The following NCAM2 variants were observed in gnomAD, a reference collection of about 807,000 sequenced individuals.
NCAM2 encodes the protein N-CAM-2.
In NCAM2, 30 loss-of-function variants were observed where a neutral mutation model predicts 98.1. That is an observed-to-expected ratio of 0.31 (90% confidence interval 0.23 to 0.41). NCAM2 has a LOEUF of 0.41. Among genes scored for constraint, NCAM2 ranks in the 10% least tolerant of loss-of-function variants. The pLI is 1.00. For missense variants in NCAM2, 867 were observed against 1,005.8 expected (o/e 0.86, Z 1.87); for synonymous variants, 368 against 342.4 (o/e 1.07, Z -0.83).
chr21:21,490,732 G>A (rs1602489558), intron 15 of NCAM2, among the ~76,000 whole-genome samples: 1 of 151,426 alleles, frequency 6.6e-6, no homozygotes, highest in Non-Finnish European at 1.5e-5. Flanking sequence ...TTGATGTCAT[G>A]TATAACGCTT....
rs549745011 is a variant in NCAM2, at chr21:21,038,518, A to G, written c.55+39900A>G. Among the ~76,000 whole-genome samples the G allele has an allele frequency of 2.7e-4, 41 of 152,138 alleles. No individual in the cohort carries two copies. In the South Asian group the frequency reaches 8.3e-3, roughly 31 times the overall value. ...CCCTCATGCTGTTGTTGTGATAGTGAGTGAGTTCTTATGAGATCTGATGGT... is the reference window on the plus strand; with the variant it reads ...CCCTCATGCTGTTGTTGTGATAGTGGGTGAGTTCTTATGAGATCTGATGGT... On this transcript the variant is annotated intron_variant, in intron 1 of 17. Transcript: ENST00000400546.
intron 1 of NCAM2, among the ~76,000 whole-genome samples, chr21:21,164,109 A>G (rs1436856003): frequency 1.3e-5 from 2 of 152,208 alleles, no homozygotes; most frequent in Non-Finnish European, 2.9e-5. Flanking sequence ...AGGTGGCACT[A>G]AATTCAATTA....
At chr21:21,485,216 A>AT (rs148987498) in intron 15 of NCAM2, among the ~76,000 whole-genome samples, 1 of 152,092 alleles carries the variant, frequency 6.6e-6, no homozygotes, top group Non-Finnish European at 1.5e-5. Flanking sequence ...ACACCGATTA[A>AT]TTTTTTTCAT....
At chr21:21,151,596 C>T (rs1202444819) in intron 1 of NCAM2, among the ~76,000 whole-genome samples, 1 of 151,954 alleles carries the variant, frequency 6.6e-6, no homozygotes, top group Admixed American at 6.6e-5. Context: ...TATTTGGAAG[C>T]GCTGGTAGTG....
At chr21:21,223,582 T>C (rs2070258138) in intron 1 of NCAM2, 9 of 152,134 alleles carry the variant, frequency 5.9e-5, no homozygotes, top group Admixed American at 5.9e-4. Flanking sequence ...TATTAGATTT[T>C]TGTGAGCCAT....
intron 1 of NCAM2, among the ~76,000 whole-genome samples, chr21:21,081,761 A>G (rs1449947261): frequency 6.6e-6 from 1 of 152,006 alleles, no homozygotes; most frequent in Non-Finnish European, 1.5e-5. Flanking sequence ...AGATCTTGCC[A>G]CTGCACTCCA....
At chr21:21,366,359 C>T (rs2075785843) in intron 8 of NCAM2, among the ~76,000 whole-genome samples, 1 of 152,034 alleles carries the variant, frequency 6.6e-6, no homozygotes, top group African/African-American at 2.4e-5. Context: ...AACTATACTG[C>T]TTAGGCACTG....
At chr21:21,102,092 G>A (rs1228651369) in intron 1 of NCAM2, among the ~76,000 whole-genome samples, 1 of 151,996 alleles carries the variant, frequency 6.6e-6, no homozygotes, top group Non-Finnish European at 1.5e-5. Context: ...GAGTGTCTGA[G>A]TGCCATGATG....
intron 1 of NCAM2, among the ~76,000 whole-genome samples, chr21:21,235,732 T>A (rs1041925567): frequency 2.0e-5 from 3 of 151,910 alleles, no homozygotes; most frequent in Non-Finnish European, 4.4e-5. Flanking sequence ...AGCAGAAAAT[T>A]CACTCCTCCA....
intron 1 of NCAM2, among the ~76,000 whole-genome samples, chr21:21,049,145 A>T (rs1325975236): frequency 0.062 from 1 of 16 alleles, no homozygotes; most frequent in South Asian, 0.5. Context: ...CAGCCTCCCG[A>T]GTAGGCTGGG....
At chr21:21,345,866 C>T (rs1200491334) in intron 8 of NCAM2, among the ~76,000 whole-genome samples, 1 of 151,894 alleles carries the variant, frequency 6.6e-6, no homozygotes, top group African/African-American at 2.4e-5. Context: ...CATTTAATAC[C>T]TCAAGGCATT....
chr21:21,174,504 G>A (rs573655251), intron 1 of NCAM2, among the ~76,000 whole-genome samples: 23 of 152,224 alleles, frequency 1.5e-4, no homozygotes, highest in East Asian at 9.7e-4. Flanking sequence ...GACAGACAAG[G>A]ATCAGCATCA....
intron 12 of NCAM2, among the ~76,000 whole-genome samples, chr21:21,460,817 T>C (rs1289592971): frequency 6.6e-6 from 1 of 151,836 alleles, no homozygotes. Context: ...AGAAAAATTA[T>C]ATAGAGATGT....
In NCAM2 at chr21:21,455,210, C is replaced by CAAAAAA. The variant is rs5842926; in HGVS notation, c.1655-11379_1655-11374dup. 1.6e-3 allele frequency among the ~76,000 whole-genome samples: 150 copies of CAAAAAA among 95,430 alleles called. 3 individuals carry two copies. Among genetic ancestry groups the CAAAAAA allele is most frequent in the African/African-American group, 5.7e-3 (147 of 25,606 alleles). 62.6% of individuals were successfully genotyped at this position (95,430 alleles called of 152,430 possible). ...GTCCTTTTAAAAGGAAACCTATTGG[C>CAAAAAA]AAAAAAAAAAAAAAAAAAAAAAGTT... On this transcript the variant is annotated intron_variant, in intron 12 of 17. Coordinates refer to ENST00000400546, the MANE Select transcript of NCAM2 (RefSeq NM_004540.5).
At chr21:21,299,286 C>G (rs546084184) in intron 5 of NCAM2, among the ~76,000 whole-genome samples, 6 of 150,866 alleles carry the variant, frequency 4.0e-5, no homozygotes, top group African/African-American at 1.5e-4. Flanking sequence ...ACCAGTATCA[C>G]CACTATCTCT....
chr21:21,161,130 A>G lies in NCAM2; in HGVS notation c.56-119448A>G, dbSNP rs368079253. The stretch of plus-strand genomic sequence containing the variant: ...AATTGTCCTGTGAATTAATTTAAAC[A>G]AGAAAAGTTAGATCCTTGAAAAAAT... On this transcript the variant is annotated intron_variant, in intron 1 of 17. Coordinates refer to ENST00000400546, the MANE Select transcript of NCAM2 (RefSeq NM_004540.5). Among the ~76,000 whole-genome samples, 14 of 152,176 alleles carry G rather than the reference A, an allele frequency of 9.2e-5. No homozygotes were observed. In the East Asian group the frequency reaches 2.5e-3, roughly 27 times the overall value.
chr21:21,406,185 G>C (rs2076734858), intron 9 of NCAM2, among the ~76,000 whole-genome samples: 1 of 152,146 alleles, frequency 6.6e-6, no homozygotes, highest in Non-Finnish European at 1.5e-5. Context: ...ATAGAAGAGA[G>C]AGATTGAGCT....
At chr21:21,228,890 CA>C (rs2070501959) in intron 1 of NCAM2, among the ~76,000 whole-genome samples, 1 of 151,348 alleles carries the variant, frequency 6.6e-6, no homozygotes, top group Admixed American at 6.6e-5. Flanking sequence ...ATTGTTGTTA[CA>C]TTTTTATTTT....
chr21:21,264,931 ATATATGTG>A (rs2072088503), intron 1 of NCAM2, among the ~76,000 whole-genome samples: 1 of 94,166 alleles, frequency 1.1e-5, no homozygotes, highest in Non-Finnish European at 2.4e-5. Context: ...ATATACACAT[ATATATGTG>A]TGTGTATATA....
Sources: gnomAD v4.1 joint callset for allele counts (sites outside exome capture counted in the v4.1 genomes callset) on GRCh38, gnomAD v4.1.1 for gene constraint, MANE v1.5 for transcripts, NCBI Gene and HGNC (gene_info 2026-07-23, HGNC 2026-07-21) for gene names.